CACNA1E: variants seen among roughly 807,000 people sequenced by gnomAD.
CACNA1E encodes the protein voltage-dependent R-type calcium channel subunit alpha-1E.
Under a neutral mutation model 259.2 loss-of-function variants are expected in CACNA1E, and 40 were observed. The observed-to-expected ratio is 0.15, with a 90% CI of 0.12 to 0.20. CACNA1E has a LOEUF of 0.20. Ranked by LOEUF, CACNA1E falls within the 10% of genes least tolerant of loss-of-function variation. The probability of loss-of-function intolerance (pLI) is 1.00; values close to 1 mark genes in which losing one functional copy is unlikely to be tolerated. For synonymous variants in CACNA1E, 1,104 were observed against 1,138.5 expected (o/e 0.97, Z 0.61); for missense variants, 1,874 against 3,040.1 (o/e 0.62, Z 9.02).
At chr1:181,630,391 C>G (rs757142848) in intron 6 of CACNA1E, among the ~76,000 whole-genome samples, 2 of 149,780 alleles carry the variant, frequency 1.3e-5, no homozygotes, top group Non-Finnish European at 3.0e-5. Context: ...CATGCCCCCC[C>G]ACCCCGCCTT....
chr1:181,491,196 C>T (rs907281775), intron 1 of CACNA1E, among the ~76,000 whole-genome samples: 1 of 152,224 alleles, frequency 6.6e-6, no homozygotes, highest in Non-Finnish European at 1.5e-5. Flanking sequence ...CTATCAGCGA[C>T]CATTCCTTTC....
chr1:181,674,243 A>G (rs1461746359), intron 7 of CACNA1E, among the ~76,000 whole-genome samples: 1 of 140,848 alleles, frequency 7.1e-6, no homozygotes, highest in African/African-American at 2.7e-5. Context: ...AAAAAAAAAA[A>G]TTAGCCAGGC....
rs1480883372 is a variant in CACNA1E at position 181,803,093 on chromosome 1, CG to C, written c.*4260del. The C allele has an allele frequency of 6.6e-6, 1 of 152,130 alleles. No homozygotes were observed. The highest frequency in any genetic ancestry group is 2.4e-5 in the African/African-American group (1 of 41,420). The allele number at this position is 152,130 out of a possible 1,614,324, so 9.4% of individuals were successfully genotyped here. A position where few individuals can be genotyped will look rare whatever the true frequency, so the allele number is the denominator to read the frequency against. ...GAGATCCTCAGAGGCCTAGGGTTAG[CG>C]TATACCAAGAATCCTGGTGAGAGGC... On this transcript the variant is annotated 3_prime_UTR_variant, in exon 48 of 48. Coordinates refer to ENST00000367573, the MANE Select transcript of CACNA1E (RefSeq NM_001205293.3).
chr1:181,712,798 G>A (rs1478858962), intron 8 of CACNA1E, among the ~76,000 whole-genome samples: 1 of 152,060 alleles, frequency 6.6e-6, no homozygotes, highest in Admixed American at 6.5e-5. Flanking sequence ...CGGCGGAGGA[G>A]CCATCTGACA....
chr1:181,772,243 T>C lies in CACNA1E; in HGVS notation c.5139+12T>C, dbSNP rs1334855878. On this transcript the variant is annotated intron_variant, in intron 37 of 47. Coordinates refer to ENST00000367573, the MANE Select transcript of CACNA1E (RefSeq NM_001205293.3). ...TCTGCTCCTTCTTGGTGAGCAACAT[T>C]GTGCTTTTGCCTTGCTATGTGGCCC... 6.2e-7 allele frequency: 1 copy of C among 1,610,402 alleles called. No homozygotes were observed. Among genetic ancestry groups the C allele is most frequent in the South Asian group, 1.1e-5 (1 of 90,496 alleles).
At chr1:181,358,913 C>G (rs1024907831) in intron 1 of CACNA1E, among the ~76,000 whole-genome samples, 11 of 152,166 alleles carry the variant, frequency 7.2e-5, no homozygotes, top group Non-Finnish European at 1.6e-4. Context: ...ATCAGCAACT[C>G]AGAGAGTGGT....
At chr1:181,409,624 C>T (rs922444347) in intron 1 of CACNA1E, among the ~76,000 whole-genome samples, 9 of 152,140 alleles carry the variant, frequency 5.9e-5, no homozygotes, top group South Asian at 2.1e-4. Flanking sequence ...AGTATAGATT[C>T]GAGTGTCCTT....
At chr1:181,670,351 T>C (rs1444563630) in intron 7 of CACNA1E, among the ~76,000 whole-genome samples, 1 of 152,254 alleles carries the variant, frequency 6.6e-6, no homozygotes, top group Non-Finnish European at 1.5e-5. Context: ...AGAGTTGTAG[T>C]TGAATTAAAA....
At chr1:181,591,876 G>A (rs1652685643) in intron 6 of CACNA1E, among the ~76,000 whole-genome samples, 1 of 152,184 alleles carries the variant, frequency 6.6e-6, no homozygotes, top group South Asian at 2.1e-4. Flanking sequence ...TAGCACTCAT[G>A]TGAGAAATTA....
intron 3 of CACNA1E, among the ~76,000 whole-genome samples, chr1:181,548,120 T>TTTTATTTTC (rs1553275385): frequency 0.15 from 13,953 of 91,016 alleles, 751 homozygotes; most frequent in Middle Eastern, 0.27. Context: ...CCCATAACAC[T>TTTTATTTTC]TTTTTTTTCT....
At chr1:181,334,819 C>G (rs1268535063) in intron 1 of CACNA1E, among the ~76,000 whole-genome samples, 1 of 152,194 alleles carries the variant, frequency 6.6e-6, no homozygotes, top group Non-Finnish European at 1.5e-5. Flanking sequence ...GGGGGTCTCA[C>G]TCCTCTGCCT....
intron 3 of CACNA1E, among the ~76,000 whole-genome samples, chr1:181,537,765 C>T (rs1276775440): frequency 1.3e-5 from 2 of 152,226 alleles, no homozygotes; most frequent in Non-Finnish European, 2.9e-5. Flanking sequence ...TGTGCAAACA[C>T]ATCTAATGCC....
intron 25 of CACNA1E, among the ~76,000 whole-genome samples, chr1:181,747,641 A>C (rs1657216439): frequency 1.3e-5 from 2 of 152,222 alleles, no homozygotes; most frequent in African/African-American, 4.8e-5. Context: ...TTAATGAGGC[A>C]GTGTAAAAAT....
chr1:181,389,819 AG>A (rs1213421549), intron 1 of CACNA1E, among the ~76,000 whole-genome samples: 1 of 152,256 alleles, frequency 6.6e-6, no homozygotes, highest in Non-Finnish European at 1.5e-5. Flanking sequence ...TTAGAGCAGA[AG>A]GAGCTGAGGG....
intron 2 of CACNA1E, among the ~76,000 whole-genome samples, chr1:181,457,474 G>A (rs973293546): frequency 6.6e-6 from 1 of 152,250 alleles, no homozygotes; most frequent in Non-Finnish European, 1.5e-5. Context: ...TTCCTTACAA[G>A]TGGAGTGACT....
At chr1:181,749,153 A>G (rs1278375552) in intron 25 of CACNA1E, among the ~76,000 whole-genome samples, 1 of 152,218 alleles carries the variant, frequency 6.6e-6, no homozygotes, top group Non-Finnish European at 1.5e-5. Flanking sequence ...TGCTTGTGAC[A>G]TACAGTAGTG....
At chr1:181,425,120 C>T (rs1659066377) in intron 2 of CACNA1E, among the ~76,000 whole-genome samples, 1 of 152,158 alleles carries the variant, frequency 6.6e-6, no homozygotes. Context: ...TATGGTGCCC[C>T]CAAGTGGTTG....
chr1:181,383,895 C>G (rs756615750), intron 1 of CACNA1E, among the ~76,000 whole-genome samples: 7 of 152,228 alleles, frequency 4.6e-5, no homozygotes, highest in Non-Finnish European at 7.3e-5. Flanking sequence ...TTATTTCCTG[C>G]TGGCTGCATG....
intron 1 of CACNA1E, among the ~76,000 whole-genome samples, chr1:181,495,531 G>T (rs1033830685): frequency 1.3e-5 from 2 of 152,188 alleles, no homozygotes; most frequent in Non-Finnish European, 2.9e-5. Flanking sequence ...TTAGTATATG[G>T]TTAATTTCAG....
Sources: allele counts gnomAD v4.1 joint callset (sites outside exome capture counted in the v4.1 genomes callset), GRCh38; gene constraint gnomAD v4.1.1; transcripts MANE v1.5; gene names NCBI Gene and HGNC (gene_info 2026-07-23, HGNC 2026-07-21).